The following TLR7 variants were observed in gnomAD, a reference collection of about 807,000 sequenced individuals.
The protein encoded by TLR7 is toll-like receptor 7.
In TLR7, 12 loss-of-function variants were observed where a neutral mutation model predicts 38.3. The observed-to-expected ratio is 0.31, with a 90% CI of 0.20 to 0.51. TLR7 has a LOEUF of 0.51. TLR7 is among the 20% of genes least tolerant of loss of function. The probability of loss-of-function intolerance (pLI) is 0.98; values close to 1 mark genes in which losing one functional copy is unlikely to be tolerated. For synonymous variants in TLR7, 285 were observed against 293.8 expected (o/e 0.97, Z 0.31); for missense variants, 504 against 743.4 (o/e 0.68, Z 3.74).
At chrX:12,869,830 CAAAAAAAA>C (rs34022797) in intron 2 of TLR7, among the ~76,000 whole-genome samples, 14 of 51,453 alleles carry the variant, frequency 2.7e-4, no homozygotes, top group East Asian at 7.2e-4. Flanking sequence ...TGCAGCCAGG[CAAAAAAAA>C]AAAAAAAAAA....
At chrX:12,876,773 T>C in intron 2 of TLR7, among the ~76,000 whole-genome samples, 1 of 112,006 alleles carries the variant, frequency 8.9e-6, no homozygotes, top group Non-Finnish European at 1.9e-5. Context: ...TTACAATAAT[T>C]AGTTTGCTAA....
In TLR7 at chrX:12,887,014, A is replaced by C; in HGVS notation, c.1506A>C (p.Lys502Asn). The change falls in exon 3 of 3, where the codon AAA becomes AAC. Residue 502 changes from lysine (K) to asparagine (N), a missense_variant. By Grantham distance (94) the Lys-to-Asn change is moderately conservative. Coordinates refer to ENST00000380659, the MANE Select transcript of TLR7 (RefSeq NM_016562.4). ...ATGGGCAGACCTTGGATCTAAGTAA[A>C]AATAGTATATTTTTTGTCAAGTCCT... The part of the protein sequence containing the change: ...YKYGQTLDLS[K>N]NSIFFVKSSD... 8.3e-7 allele frequency: 1 copy of C among 1,211,124 alleles called. No homozygotes were observed. The highest frequency in any genetic ancestry group is 1.1e-6 in the Non-Finnish European group (1 of 894,996).
chrX:12,885,798 G>C lies in TLR7; in HGVS notation c.290G>C (p.Arg97Thr). The C allele has an allele frequency of 8.3e-7, 1 of 1,212,023 alleles. No homozygotes were observed. The highest frequency in any genetic ancestry group is 1.1e-6 in the Non-Finnish European group (1 of 895,601). The change falls in exon 3 of 3, where the codon AGA becomes ACA. Residue 97 changes from arginine to threonine, a missense_variant. Coordinates refer to ENST00000380659, the MANE Select transcript of TLR7 (RefSeq NM_016562.4). ...GACCATCTGGTAGAGATCGATTTCA[G>C]ATGCAACTGTGTACCTATTCCACTG... is the stretch of plus-strand genomic sequence containing the variant. ...RLDHLVEIDFRCNCVPIPLGS... is the reference protein window; with the variant it reads ...RLDHLVEIDFTCNCVPIPLGS...
intron 2 of TLR7, among the ~76,000 whole-genome samples, chrX:12,874,094 C>T (rs2042862725): frequency 8.9e-6 from 1 of 112,024 alleles, no homozygotes; most frequent in Non-Finnish European, 1.9e-5. Context: ...CTGAGGCAGG[C>T]AGACCACCTG....
At position 12,886,451 on chromosome X, in the gene TLR7, A is replaced by C. The variant is rs201359066; in HGVS notation, c.943A>C (p.Lys315Gln). Residue 315 changes from lysine (K) to glutamine (Q), a missense_variant, in exon 3 of 3, where the codon AAA becomes CAA. Lys to Gln is a moderately conservative substitution (Grantham distance 53). Coordinates refer to ENST00000380659, the MANE Select transcript of TLR7 (RefSeq NM_016562.4). ...CCCAAGATGGTTTAAGAACATCAAC[A>C]AACTCCAGGAACTGGATCTGTCCCA... ...VPPRWFKNIN[K>Q]LQELDLSQNF... is the part of the protein sequence containing the mutation. The C allele has an allele frequency of 2.3e-5, 28 of 1,210,523 alleles. No homozygotes were observed. Among genetic ancestry groups the C allele is most frequent in the Non-Finnish European group, 3.1e-5 (28 of 895,395 alleles).
chrX:12,876,672 A>G (rs1354634688), intron 2 of TLR7, among the ~76,000 whole-genome samples: 1 of 112,383 alleles, frequency 8.9e-6, no homozygotes, highest in Non-Finnish European at 1.9e-5. Context: ...TGGCTGTCCA[A>G]TATAAATTCT....
chrX:12,877,332 T>C (rs1192266948), intron 2 of TLR7: 1 of 109,270 alleles, frequency 9.2e-6, no homozygotes, highest in Non-Finnish European at 1.9e-5. Flanking sequence ...CTGCTTTTTT[T>C]TTTTTTTTTT....
chrX:12,884,474 G>T (rs2042903215), intron 2 of TLR7, among the ~76,000 whole-genome samples: 1 of 112,175 alleles, frequency 8.9e-6, no homozygotes, highest in African/African-American at 3.2e-5. Context: ...CCAGTCCACG[G>T]TTAAAGCATT....
chrX:12,885,257 G>C (rs1236565224), intron 2 of TLR7, among the ~76,000 whole-genome samples: 1 of 112,367 alleles, frequency 8.9e-6, no homozygotes, highest in Non-Finnish European at 1.9e-5. Flanking sequence ...ATAGGAAAAT[G>C]CTGCTTCTAC....
intron 2 of TLR7, 35 bp downstream of exon 2, chrX:12,867,616 T>G: frequency 8.4e-7 from 1 of 1,184,758 alleles, no homozygotes; most frequent in Non-Finnish European, 1.1e-6. Flanking sequence ...AAAAGTGTTA[T>G]CTGTAATCTT....
chrX:12,886,574 T>C lies in TLR7; in HGVS notation c.1066T>C (p.Tyr356His). The C allele has an allele frequency of 1.7e-6, 2 of 1,211,946 alleles. No individual in the cohort carries two copies. Among genetic ancestry groups the C allele is most frequent in the Non-Finnish European group, 2.2e-6 (2 of 895,488 alleles). Residue 356 changes from tyrosine to histidine, a missense_variant, in exon 3 of 3, where the codon TAT (tyrosine) becomes CAT (histidine). Tyr to His is a moderately conservative substitution (Grantham distance 83, BLOSUM62 2). Coordinates refer to ENST00000380659, the MANE Select transcript of TLR7 (RefSeq NM_016562.4). ...GTCTTTCAATTTTGAACTTCAGGTCTATCGTGCATCTATGAATCTATCACA... is the reference window on the plus strand; with the variant it reads ...GTCTTTCAATTTTGAACTTCAGGTCCATCGTGCATCTATGAATCTATCACA... ...DLSFNFELQV[Y>H]RASMNLSQAF... is the part of the protein sequence containing the mutation.
intron 2 of TLR7, among the ~76,000 whole-genome samples, chrX:12,879,933 A>T (rs1569108141): frequency 8.9e-6 from 1 of 112,344 alleles, no homozygotes. Context: ...ATCAAAATTC[A>T]GGATCAAAAT....
rs754434885 is a variant in TLR7, at chrX:12,887,218, T to C, written c.1710T>C (p.Val570=). ...TAFEELHKLE[V]LDISSNSHYF... ...TTGAAGAGCTTCACAAACTGGAAGT[T>C]CTGGATATAAGCAGTAATAGCCATT... The change falls in exon 3 of 3, where the codon GTT becomes GTC. Residue 570 remains valine, a synonymous_variant. Coordinates refer to ENST00000380659, the MANE Select transcript of TLR7 (RefSeq NM_016562.4). The C allele has an allele frequency of 5.1e-5, 62 of 1,209,760 alleles. No homozygotes were observed. In the Admixed American group the frequency reaches 1.3e-3, roughly 26 times the overall value.
At chrX:12,879,245 G>A (rs971893526) in intron 2 of TLR7, among the ~76,000 whole-genome samples, 3 of 111,610 alleles carry the variant, frequency 2.7e-5, no homozygotes, top group Non-Finnish European at 3.8e-5. Flanking sequence ...ATCTTGTGAT[G>A]GCATAATATA....
intron 2 of TLR7, among the ~76,000 whole-genome samples, chrX:12,873,097 G>A (rs1200517824): frequency 1.8e-5 from 2 of 111,648 alleles, no homozygotes; most frequent in Middle Eastern, 4.6e-3. Flanking sequence ...CCATTTTTGT[G>A]AATATTCTAG....
chrX:12,885,513 T>A lies in TLR7; in HGVS notation c.5T>A (p.Val2Glu). Reference sequence around the variant, plus strand: ...ATTTGTTCTTTCTTATACTTTCAGGTGTTTCCAATGTGGACACTGAAGAGA... The same window carrying A: ...ATTTGTTCTTTCTTATACTTTCAGGAGTTTCCAATGTGGACACTGAAGAGA... M[V>E]FPMWTLKRQI... Residue 2 changes from valine (V) to glutamate (E), a missense_variant and splice_region_variant, in exon 3 of 3, where the codon GTG becomes GAG. Coordinates refer to ENST00000380659, the MANE Select transcript of TLR7 (RefSeq NM_016562.4). The A allele has an allele frequency of 8.5e-7, 1 of 1,183,091 alleles. No homozygotes were observed. The highest frequency in any genetic ancestry group is 1.7e-5 in the African/African-American group (1 of 57,150).
rs369225527 is a variant in TLR7, at chrX:12,887,492, C to T, written c.1984C>T (p.Leu662=). 18 of 1,210,665 alleles carry T rather than the reference C, an allele frequency of 1.5e-5. No individual in the cohort carries two copies. Among genetic ancestry groups the T allele is most frequent in the Non-Finnish European group, 2.0e-5 (18 of 894,618 alleles). ...GGAATTAGACATCTCTAAAAATTCC[C>T]TAAGTTTCTTGCCTTCTGGAGTTTT... ...LEELDISKNS[L]SFLPSGVFDG... Residue 662 remains leucine, a synonymous_variant, in exon 3 of 3, where the codon CTA becomes TTA. Transcript: ENST00000380659.
chrX:12,874,922 G>A (rs1336478712), intron 2 of TLR7, among the ~76,000 whole-genome samples: 1 of 109,799 alleles, frequency 9.1e-6, no homozygotes, highest in African/African-American at 3.3e-5. Context: ...AGATAAAAAC[G>A]CTATTTGGAA....
rs766676773 is a variant in TLR7, at chrX:12,872,597, G to A, written c.3+5016G>A. On this transcript the variant is annotated intron_variant, in intron 2 of 2. Coordinates refer to ENST00000380659, the MANE Select transcript of TLR7 (RefSeq NM_016562.4). ...AAAGTGTGTGTGTGCCAGTACGCGC[G>A]AGGTGAAAGCTGTATTGCCTGTGAA... 1.3e-4 allele frequency among the ~76,000 whole-genome samples: 14 copies of A among 110,873 alleles called. 1 individual carries two copies. The highest frequency in any genetic ancestry group is 4.7e-3 in the Middle Eastern group (1 of 214).
Sources: allele counts gnomAD v4.1 joint callset (sites outside exome capture counted in the v4.1 genomes callset), GRCh38; gene constraint gnomAD v4.1.1; transcripts MANE v1.5; gene names NCBI Gene and HGNC (gene_info 2026-07-23, HGNC 2026-07-21).